The following NRG1 variants were observed in gnomAD, a reference collection of about 807,000 sequenced individuals.
NRG1 encodes the protein neuregulin 1, also known as pro-neuregulin-1, membrane-bound isoform.
Under a neutral mutation model 63.8 loss-of-function variants are expected in NRG1, and 18 were observed. The ratio of observed to expected loss-of-function variants is 0.28; its 90% CI spans 0.19 to 0.42. The LOEUF is 0.42. Ranked by LOEUF, NRG1 falls within the 10% of genes least tolerant of loss-of-function variation. The pLI, the probability that NRG1 is intolerant of heterozygous loss-of-function variation, is 1.00. For synonymous variants in NRG1, 302 were observed against 301.3 expected, an observed-to-expected ratio of 1.00 and a Z score of -0.02; for missense variants, 762 against 814.7, an observed-to-expected ratio of 0.94 and a Z score of 0.79.
At chr8:32,220,502 A>T (rs1845698226) in intron 1 of NRG1, among the ~76,000 whole-genome samples, 1 of 152,138 alleles carries the variant, frequency 6.6e-6, no homozygotes, top group African/African-American at 2.4e-5. Context: ...GTAGCTTGGG[A>T]TCCTTCGGAT....
chr8:31,819,009 G>A (rs1035342162), intron 1 of NRG1, among the ~76,000 whole-genome samples: 5 of 152,106 alleles, frequency 3.3e-5, no homozygotes, highest in Admixed American at 2.6e-4. Flanking sequence ...AGCCGAGATC[G>A]CGCCACTGCA....
At chr8:31,661,552 C>T (rs970800766) in intron 1 of NRG1, among the ~76,000 whole-genome samples, 5 of 152,168 alleles carry the variant, frequency 3.3e-5, no homozygotes, top group Non-Finnish European at 4.4e-5. Flanking sequence ...CTGTATCATT[C>T]ATTTGAAATG....
intron 1 of NRG1, among the ~76,000 whole-genome samples, chr8:32,216,743 TA>T (rs1414989254): frequency 6.6e-6 from 1 of 151,168 alleles, no homozygotes; most frequent in Non-Finnish European, 1.5e-5. Flanking sequence ...ATTATTGTGA[TA>T]TATATATAAT....
At chr8:31,718,806 G>C (rs977169108) in intron 1 of NRG1, among the ~76,000 whole-genome samples, 4 of 152,132 alleles carry the variant, frequency 2.6e-5, no homozygotes, top group Non-Finnish European at 5.9e-5. Flanking sequence ...TTTCTGCAAT[G>C]AGATTTTTCT....
chr8:32,739,062 A>G (rs556024816), intron 6 of NRG1, among the ~76,000 whole-genome samples: 1 of 152,300 alleles, frequency 6.6e-6, no homozygotes, highest in African/African-American at 2.4e-5. Context: ...CCTTAGTGGG[A>G]AAAGAGGTCT....
intron 1 of NRG1, among the ~76,000 whole-genome samples, chr8:32,253,508 T>C (rs1849351323): frequency 6.6e-6 from 1 of 152,242 alleles, no homozygotes; most frequent in South Asian, 2.1e-4. Flanking sequence ...GGTTTGTGTA[T>C]GTTGAACCAG....
chr8:32,488,779 G>A (rs10097555), intron 1 of NRG1, among the ~76,000 whole-genome samples: 94,722 of 151,966 alleles, frequency 0.62, 29,764 homozygotes, highest in East Asian at 0.79. Flanking sequence ...AGGAGCCTCA[G>A]ATGGCACAGA....
At chr8:32,006,451 G>A (rs954417871) in intron 1 of NRG1, among the ~76,000 whole-genome samples, 31 of 151,990 alleles carry the variant, frequency 2.0e-4, no homozygotes, top group Middle Eastern at 3.2e-3. Context: ...TATGTGATAT[G>A]ACGTAGTTGA....
intron 1 of NRG1, among the ~76,000 whole-genome samples, chr8:32,499,929 A>T (rs898718453): frequency 9.2e-5 from 14 of 152,180 alleles, no homozygotes; most frequent in African/African-American, 3.1e-4. Flanking sequence ...GGGTGAGAGA[A>T]GACTGGAAAC....
intron 1 of NRG1, among the ~76,000 whole-genome samples, chr8:31,978,927 T>G (rs1808630544): frequency 6.6e-6 from 1 of 152,200 alleles, no homozygotes; most frequent in African/African-American, 2.4e-5. Flanking sequence ...AGCAATGGGT[T>G]GTCCTTTGGC....
intron 1 of NRG1, among the ~76,000 whole-genome samples, chr8:32,088,826 C>G (rs771734768): frequency 6.6e-6 from 1 of 151,950 alleles, no homozygotes; most frequent in Admixed American, 6.6e-5. Flanking sequence ...CCCAGGTCAT[C>G]ACGTTTAGCC....
intron 1 of NRG1, among the ~76,000 whole-genome samples, chr8:31,776,101 G>T (rs541367447): frequency 6.6e-6 from 1 of 152,092 alleles, no homozygotes; most frequent in African/African-American, 2.4e-5. Flanking sequence ...TCTGAGCACT[G>T]ACTGTAAAGT....
At chr8:32,117,807 A>G (rs570590974) in intron 1 of NRG1, among the ~76,000 whole-genome samples, 1 of 152,196 alleles carries the variant, frequency 6.6e-6, no homozygotes, top group African/African-American at 2.4e-5. Flanking sequence ...CTCTAGTGAA[A>G]TATTTCCCCA....
In NRG1 at chr8:32,105,281, C is replaced by T. The variant is rs541407212; in HGVS notation, c.37+465850C>T. On this transcript the variant is annotated intron_variant, in intron 1 of 10. Coordinates refer to the NRG1 transcript ENST00000519301. Reference sequence around the variant, plus strand: ...TTTTCACGCTGCTGATAAAGATATACCTGACACTGGGCAATTTACAAAAGA... The same window carrying T: ...TTTTCACGCTGCTGATAAAGATATATCTGACACTGGGCAATTTACAAAAGA... 2.0e-5 allele frequency among the ~76,000 whole-genome samples: 3 copies of T among 152,234 alleles called. No individual in the cohort carries two copies. The South Asian group carries it at 6.2e-4, about 32-fold the overall frequency.
At chr8:32,199,204 C>A (rs1405726869) in intron 1 of NRG1, among the ~76,000 whole-genome samples, 1 of 152,056 alleles carries the variant, frequency 6.6e-6, no homozygotes, top group Non-Finnish European at 1.5e-5. Context: ...TTTTTCATGG[C>A]CACATCTTTA....
In NRG1 at chr8:31,646,762, G is replaced by A. The variant is rs138283113; in HGVS notation, c.37+7331G>A. On this transcript the variant is annotated intron_variant, in intron 1 of 10. Transcript: ENST00000519301. Reference sequence around the variant, plus strand: ...AGCTGGTTGGATAGTGGAAATCACTGTTCTAGCCTAAATTTAGAAAGATAA... The same window carrying A: ...AGCTGGTTGGATAGTGGAAATCACTATTCTAGCCTAAATTTAGAAAGATAA... Among the ~76,000 whole-genome samples, 11 of 152,300 alleles carry A rather than the reference G, an allele frequency of 7.2e-5. No homozygotes were observed. In the East Asian group the frequency reaches 1.9e-3, roughly 27 times the overall value.
intron 1 of NRG1, among the ~76,000 whole-genome samples, chr8:31,873,577 A>G (rs1829673962): frequency 6.6e-6 from 1 of 152,074 alleles, no homozygotes; most frequent in Admixed American, 6.5e-5. Flanking sequence ...AACAAAACAA[A>G]ACAAAACAAG....
chr8:32,643,172 A>T (rs188386059), intron 5 of NRG1, among the ~76,000 whole-genome samples: 42 of 152,334 alleles, frequency 2.8e-4, no homozygotes, highest in African/African-American at 1.0e-3. Context: ...CCAGGTTGGC[A>T]TACTAGCATT....
At chr8:32,730,851 G>A (rs193214508) in intron 6 of NRG1, among the ~76,000 whole-genome samples, 73 of 152,262 alleles carry the variant, frequency 4.8e-4, no homozygotes, top group African/African-American at 1.7e-3. Flanking sequence ...TAAGCATACA[G>A]TGTAATTGTA....
Sources: gnomAD v4.1 joint callset for allele counts (sites outside exome capture counted in the v4.1 genomes callset) on GRCh38, gnomAD v4.1.1 for gene constraint, MANE v1.5 for transcripts, NCBI Gene and HGNC (gene_info 2026-07-23, HGNC 2026-07-21) for gene names.